DAB1: variants seen among roughly 807,000 people sequenced by gnomAD.
DAB1 encodes the protein DAB adaptor protein 1.
Under a neutral mutation model 64.6 loss-of-function variants are expected in DAB1, and 15 were observed. That is an observed-to-expected ratio of 0.23 (90% CI 0.16 to 0.36). DAB1 has a LOEUF of 0.36. Among genes scored for constraint, DAB1 ranks in the 10% least tolerant of loss-of-function variants. DAB1 has a pLI of 1.00. For missense variants in DAB1, 596 were observed against 706.7 expected (o/e 0.84, Z 1.78); for synonymous variants, 235 against 251.9 (o/e 0.93, Z 0.64).
chr1:57,093,734 C>T (rs1487354390), intron 4 of DAB1, among the ~76,000 whole-genome samples: 2 of 152,150 alleles, frequency 1.3e-5, no homozygotes, highest in Non-Finnish European at 2.9e-5. Context: ...GAATAGTAAA[C>T]TACACATCAT....
chr1:58,245,123 G>A (rs1660471716), intron 4 of DAB1, among the ~76,000 whole-genome samples: 2 of 152,182 alleles, frequency 1.3e-5, no homozygotes, highest in Non-Finnish European at 2.9e-5. Flanking sequence ...GAACAGTACT[G>A]GGGAAAAGAG....
At chr1:58,474,128 T>C (rs1196800360) in intron 3 of DAB1, among the ~76,000 whole-genome samples, 2 of 152,202 alleles carry the variant, frequency 1.3e-5, no homozygotes, top group Non-Finnish European at 2.9e-5. Context: ...AAGATGAGGA[T>C]GCCAGAGCTC....
At chr1:57,434,857 T>C (rs890924490) in intron 7 of DAB1, among the ~76,000 whole-genome samples, 10 of 152,252 alleles carry the variant, frequency 6.6e-5, no homozygotes, top group African/African-American at 2.4e-4. Context: ...GCTCTACCTA[T>C]ATAGAGCACT....
At chr1:58,292,879 C>A (rs990027574) in intron 4 of DAB1, among the ~76,000 whole-genome samples, 3 of 152,098 alleles carry the variant, frequency 2.0e-5, no homozygotes, top group African/African-American at 7.2e-5. Context: ...AGTCTCTGTG[C>A]TTGGCACTTG....
chr1:57,571,264 G>C (rs1270790193), intron 7 of DAB1, among the ~76,000 whole-genome samples: 1 of 152,106 alleles, frequency 6.6e-6, no homozygotes, highest in Non-Finnish European at 1.5e-5. Context: ...GTGAAAGTGG[G>C]CATCCTTGTG....
chr1:57,063,729 T>C (rs144080717), intron 8 of DAB1, among the ~76,000 whole-genome samples: 6 of 152,350 alleles, frequency 3.9e-5, no homozygotes, highest in African/African-American at 1.4e-4. Context: ...CATAATACTG[T>C]AATGTGTTAG....
intron 6 of DAB1, among the ~76,000 whole-genome samples, chr1:57,748,900 A>G (rs1648416762): frequency 6.6e-6 from 1 of 152,242 alleles, no homozygotes. Flanking sequence ...CGTACGATGA[A>G]AAGGGCAAAT....
At chr1:57,270,585 A>G (rs1240530079) in intron 2 of DAB1, among the ~76,000 whole-genome samples, 1 of 152,212 alleles carries the variant, frequency 6.6e-6, no homozygotes. Flanking sequence ...GTTCAAATCC[A>G]GGTCTCTTTC....
chr1:57,425,641 A>C (rs1685256109), upstream of DAB1, among the ~76,000 whole-genome samples: 1 of 152,236 alleles, frequency 6.6e-6, no homozygotes, highest in Admixed American at 6.5e-5. Context: ...ATTTACATAG[A>C]GACAAGAACA....
intron 1 of DAB1, among the ~76,000 whole-genome samples, chr1:57,882,799 A>G (rs1334495949): frequency 6.6e-6 from 1 of 152,188 alleles, no homozygotes; most frequent in Non-Finnish European, 1.5e-5. Context: ...TGAGCTGGAC[A>G]TGGTTTCCAG....
chr1:57,556,868 G>A (rs113639954), intron 7 of DAB1, among the ~76,000 whole-genome samples: 1 of 152,088 alleles, frequency 6.6e-6, no homozygotes, highest in Admixed American at 6.5e-5. Context: ...TGTCTAGAAG[G>A]GTTTTTCCAA....
At chr1:57,545,553 C>T (rs1644847174) in intron 7 of DAB1, among the ~76,000 whole-genome samples, 2 of 152,208 alleles carry the variant, frequency 1.3e-5, no homozygotes, top group South Asian at 4.1e-4. Flanking sequence ...AAATGTTGGG[C>T]TCAAGGCCCT....
At chr1:57,565,604 A>G (rs1645109578) in intron 7 of DAB1, among the ~76,000 whole-genome samples, 1 of 152,200 alleles carries the variant, frequency 6.6e-6, no homozygotes, top group South Asian at 2.1e-4. Context: ...GGAAAACAAA[A>G]AAAAGGCAGG....
rs1557770618 is a variant in DAB1 at position 58,462,109 on chromosome 1, G to GTT, written n.257+43949_257+43950dup. Among the ~76,000 whole-genome samples the GTT allele has an allele frequency of 8.2e-5, 11 of 133,924 alleles. 1 individual carries two copies. The highest frequency in any genetic ancestry group is 1.1e-4 in the Non-Finnish European group (7 of 63,958). 87.9% of individuals were successfully genotyped at this position (133,924 alleles called of 152,430 possible). ...TTGAGATCCACGTCGATCTGAGAAG[G>GTT]TTTCTTTTTTTTTTTTTTTTTTTTT... is the stretch of plus-strand genomic sequence containing the variant. On this transcript the variant is annotated intron_variant and non_coding_transcript_variant, in intron 3 of 20. Coordinates refer to the DAB1 transcript ENST00000485760.
intron 2 of DAB1, among the ~76,000 whole-genome samples, chr1:57,242,269 G>T (rs919198297): frequency 2.6e-5 from 4 of 152,130 alleles, no homozygotes; most frequent in African/African-American, 9.7e-5. Context: ...TCCCTTTGGA[G>T]ATTCAGAGCA....
chr1:57,915,938 T>C (rs530278158), intron 5 of DAB1, among the ~76,000 whole-genome samples: 266 of 152,300 alleles, frequency 1.7e-3, no homozygotes, highest in Middle Eastern at 6.8e-3. Flanking sequence ...AGAAGAATTT[T>C]AGGTGAGCGC....
intron 2 of DAB1, among the ~76,000 whole-genome samples, chr1:57,168,683 C>T (rs155291): frequency 0.18 from 26,957 of 152,080 alleles, 6,839 homozygotes; most frequent in African/African-American, 0.56. Context: ...CCTTGATCTC[C>T]CTTTCACAAT....
At chr1:58,353,226 A>G (rs1290996822) in intron 3 of DAB1, among the ~76,000 whole-genome samples, 1 of 152,110 alleles carries the variant, frequency 6.6e-6, no homozygotes, top group Non-Finnish European at 1.5e-5. Context: ...TTATTTTCCC[A>G]TCATTTTAAT....
At chr1:58,123,952 G>T (rs1652904003) in intron 5 of DAB1, among the ~76,000 whole-genome samples, 1 of 152,048 alleles carries the variant, frequency 6.6e-6, no homozygotes, top group Non-Finnish European at 1.5e-5. Context: ...GACAGTCAGT[G>T]TCTTAAGAAT....
Sources: allele counts gnomAD v4.1 joint callset (sites outside exome capture counted in the v4.1 genomes callset), GRCh38; gene constraint gnomAD v4.1.1; transcripts MANE v1.5; gene names NCBI Gene and HGNC (gene_info 2026-07-23, HGNC 2026-07-21).